The following ORC3 variants were observed in gnomAD, a reference collection of about 807,000 sequenced individuals.
ORC3 encodes origin recognition complex subunit 3.
A neutral mutation model predicts 100.7 loss-of-function variants in ORC3; 78 were observed. The ratio of observed to expected loss-of-function variants is 0.77; its 90% CI spans 0.65 to 0.94. ORC3 has a LOEUF of 0.94. Ranked by LOEUF, ORC3 falls within the 40% of genes least tolerant of loss-of-function variation. The pLI, the probability that ORC3 is intolerant of heterozygous loss-of-function variation, is 0.00. For missense variants in ORC3, 789 were observed against 823.9 expected (o/e 0.96, Z 0.52); for synonymous variants, 295 against 289.3 (o/e 1.02, Z -0.20).
At chr6:87,613,737 T>G (rs1431816344) in intron 8 of ORC3, among the ~76,000 whole-genome samples, 1 of 152,122 alleles carries the variant, frequency 6.6e-6, no homozygotes, top group Non-Finnish European at 1.5e-5. Flanking sequence ...AGCGAGGTAG[T>G]CAAGTCTTAC....
At position 87,621,756 on chromosome 6, in the gene ORC3, T is replaced by C. The variant is rs972433676; in HGVS notation, c.1122-194T>C. On this transcript the variant is annotated intron_variant, in intron 10 of 19. Transcript: ENST00000392844. ...TGGCCTTTTTTAATGTTTATATCTATAGACTATGAAGTCCAGCTGATTTAA... is the reference window on the plus strand; with the variant it reads ...TGGCCTTTTTTAATGTTTATATCTACAGACTATGAAGTCCAGCTGATTTAA... Among the ~76,000 whole-genome samples the C allele has an allele frequency of 9.8e-5, 15 of 152,286 alleles. 1 individual carries two copies. Among genetic ancestry groups the C allele is most frequent in the African/African-American group, 3.6e-4 (15 of 41,574 alleles).
At chr6:87,634,341 C>T (rs1767653641) in intron 11 of ORC3, among the ~76,000 whole-genome samples, 1 of 152,066 alleles carries the variant, frequency 6.6e-6, no homozygotes, top group Non-Finnish European at 1.5e-5. Context: ...ATAGTCTTTT[C>T]ATTTTCCCCT....
intron 15 of ORC3, 69 bp from the exon 16 acceptor site, chr6:87,657,852 C>G: frequency 1.2e-6 from 1 of 809,136 alleles, no homozygotes; most frequent in Non-Finnish European, 2.1e-6. Context: ...TAGAACTTAC[C>G]AACAGAGCTC....
chr6:87,664,256 C>T (rs1424916387), intron 17 of ORC3, among the ~76,000 whole-genome samples: 1 of 152,012 alleles, frequency 6.6e-6, no homozygotes, highest in Non-Finnish European at 1.5e-5. Flanking sequence ...GTTGAAGAAA[C>T]ACTGATGGTT....
At chr6:87,633,902 C>G (rs767816118) in intron 11 of ORC3, among the ~76,000 whole-genome samples, 2 of 152,140 alleles carry the variant, frequency 1.3e-5, no homozygotes, top group Non-Finnish European at 1.5e-5. Context: ...CTCTCTCTCC[C>G]CTCAACAAAA....
At chr6:87,623,797 T>G (rs1388491322) in intron 11 of ORC3, among the ~76,000 whole-genome samples, 3 of 151,984 alleles carry the variant, frequency 2.0e-5, no homozygotes, top group Non-Finnish European at 4.4e-5. Flanking sequence ...GGCAGGAGAA[T>G]CACTGGAACC....
At chr6:87,668,675 C>T (rs1361050987), downstream of ORC3, among the ~76,000 whole-genome samples, 1 of 152,242 alleles carries the variant, frequency 6.6e-6, no homozygotes, top group East Asian at 1.9e-4. Context: ...TCACTCCCTG[C>T]TTTAAGCACA....
At chr6:87,644,718 G>A (rs559277899) in intron 13 of ORC3, among the ~76,000 whole-genome samples, 14 of 152,118 alleles carry the variant, frequency 9.2e-5, no homozygotes, top group Middle Eastern at 6.8e-3. Flanking sequence ...GCGTGGTGGC[G>A]TGTGCCTATA....
chr6:87,657,863 C>T (rs1169433084), intron 15 of ORC3, 58 bp from the exon 16 acceptor site: 14 of 899,094 alleles, frequency 1.6e-5, no homozygotes, highest in Non-Finnish European at 2.2e-5. Context: ...AACAGAGCTC[C>T]CTCTGAGGGG....
chr6:87,662,588 G>C (rs1038762174), intron 16 of ORC3, among the ~76,000 whole-genome samples: 4 of 152,162 alleles, frequency 2.6e-5, no homozygotes, highest in African/African-American at 9.7e-5. Context: ...AATGTTTGCT[G>C]TGCTAGAAAA....
At chr6:87,673,006 G>C in the ORC3 span, among the ~76,000 whole-genome samples, 1 of 151,954 alleles carries the variant, frequency 6.6e-6, no homozygotes, top group Non-Finnish European at 1.5e-5. Context: ...AGAATCCCTA[G>C]GTAGCTAAAA....
chr6:87,635,775 G>A (rs867035060), intron 12 of ORC3, among the ~76,000 whole-genome samples: 1 of 151,892 alleles, frequency 6.6e-6, no homozygotes, highest in African/African-American at 2.4e-5. Flanking sequence ...CTGGATGACA[G>A]AGTGAGACTC....
Position 87,626,392 on chromosome 6 carries a change from GATCCTTCAC to G in ORC3, c.1185+4384_1185+4392del, listed in dbSNP as rs557414703. On this transcript the variant is annotated intron_variant, in intron 11 of 19. Coordinates refer to ENST00000392844, the MANE Select transcript of ORC3 (RefSeq NM_012381.4). Reference sequence around the variant, plus strand: ...AGTGGTTTGTAATTCTCCTTGAAGAGATCCTTCACATCCCTTGTAAGTTGTATTCCTAGG... The same window carrying G: ...AGTGGTTTGTAATTCTCCTTGAAGAGATCCCTTGTAAGTTGTATTCCTAGG... Among the ~76,000 whole-genome samples, 239 of 152,252 alleles carry G rather than the reference GATCCTTCAC, an allele frequency of 1.6e-3. 1 individual carries two copies. The highest frequency in any genetic ancestry group is 0.015 in the South Asian group (71 of 4,820).
intron 13 of ORC3, among the ~76,000 whole-genome samples, chr6:87,652,363 A>C (rs1251598101): frequency 1.3e-5 from 2 of 152,232 alleles, no homozygotes; most frequent in African/African-American, 2.4e-5. Context: ...GTAAACTCCA[A>C]GAACAAGATC....
chr6:87,623,884 TA>T (rs35138678), intron 11 of ORC3, among the ~76,000 whole-genome samples: 9,733 of 150,620 alleles, frequency 0.065, 404 homozygotes, highest in African/African-American at 0.12. Flanking sequence ...ACTCTGTCTT[TA>T]AAAAAAAACA....
At chr6:87,599,028 G>A (rs1744349649) in intron 2 of ORC3, among the ~76,000 whole-genome samples, 2 of 152,194 alleles carry the variant, frequency 1.3e-5, no homozygotes, top group Non-Finnish European at 2.9e-5. Context: ...CCACACTGAA[G>A]TATAGCACTG....
intron 19 of ORC3, 33 bp downstream of exon 19, chr6:87,665,866 A>G (rs1214829478): frequency 1.6e-6 from 2 of 1,260,312 alleles, no homozygotes; most frequent in East Asian, 2.3e-5. Context: ...ACAATGTCCA[A>G]CTACACATAA....
At chr6:87,645,984 C>CTTTTTTTTTTTTTTTT (rs747686139) in intron 13 of ORC3, among the ~76,000 whole-genome samples, 1 of 127,012 alleles carries the variant, frequency 7.9e-6, no homozygotes. Flanking sequence ...CTTTTTTTTT[C>CTTTTTTTTTTTTTTTT]TTTTTTTTTT....
chr6:87,661,021 G>C (rs1214102204), intron 16 of ORC3, among the ~76,000 whole-genome samples: 1 of 152,128 alleles, frequency 6.6e-6, no homozygotes. Context: ...CTTTTGCCTT[G>C]GGAAATGCCT....
Sources: allele counts gnomAD v4.1 joint callset (sites outside exome capture counted in the v4.1 genomes callset), GRCh38; gene constraint gnomAD v4.1.1; transcripts MANE v1.5; gene names NCBI Gene and HGNC (gene_info 2026-07-23, HGNC 2026-07-21).